RABGAP1: variants seen among roughly 807,000 people sequenced by gnomAD.
The protein encoded by RABGAP1 is RAB GTPase activating protein 1, also known as rab GTPase-activating protein 1.
A neutral mutation model predicts 137.6 loss-of-function variants in RABGAP1; 23 were observed. That is an observed-to-expected ratio of 0.17 (90% CI 0.12 to 0.24). The LOEUF (loss-of-function observed/expected upper bound fraction) is 0.24, where lower values mean the gene tolerates loss of function less well. RABGAP1 is among the 10% of genes least tolerant of loss of function. The probability of loss-of-function intolerance (pLI) is 1.00; values close to 1 mark genes in which losing one functional copy is unlikely to be tolerated. For synonymous variants in RABGAP1, 451 were observed against 450.7 expected, an observed-to-expected ratio of 1.00 and a Z score of -0.01; for missense variants, 906 against 1,275.8, an observed-to-expected ratio of 0.71 and a Z score of 4.42.
At chr9:123,059,710 C>T (rs2033892656) in intron 13 of RABGAP1, among the ~76,000 whole-genome samples, 1 of 152,042 alleles carries the variant, frequency 6.6e-6, no homozygotes. Flanking sequence ...AGAGAGCTGC[C>T]CTGCCCCATA....
intron 13 of RABGAP1, among the ~76,000 whole-genome samples, chr9:123,049,155 T>C (rs899686264): frequency 1.1e-4 from 16 of 151,502 alleles, no homozygotes; most frequent in African/African-American, 3.2e-4. Flanking sequence ...ATAATACTTA[T>C]ATAATCATTC....
At chr9:123,017,292 A>G (rs2031303058) in intron 12 of RABGAP1, among the ~76,000 whole-genome samples, 1 of 152,208 alleles carries the variant, frequency 6.6e-6, no homozygotes, top group African/African-American at 2.4e-5. Flanking sequence ...ACCCATCAGC[A>G]TCTTATACAA....
intron 13 of RABGAP1, among the ~76,000 whole-genome samples, chr9:123,060,396 T>C (rs2033921898): frequency 6.6e-6 from 1 of 152,188 alleles, no homozygotes; most frequent in Admixed American, 6.5e-5. Context: ...GTATTAGAGG[T>C]TCATTTGTAT....
intron 1 of RABGAP1, among the ~76,000 whole-genome samples, chr9:122,949,240 C>T (rs1025368064): frequency 2.0e-5 from 3 of 152,084 alleles, no homozygotes; most frequent in Non-Finnish European, 2.9e-5. Context: ...CGGCTGGCTG[C>T]GGTGGCTCAC....
intron 7 of RABGAP1, 44 bp from the exon 8 acceptor site, chr9:122,996,495 G>A: frequency 2.0e-6 from 3 of 1,530,464 alleles, no homozygotes; most frequent in East Asian, 2.3e-5. Context: ...ACGTTCTTTT[G>A]TGTTATCTTT....
chr9:122,977,162 G>T (rs990347498), intron 2 of RABGAP1, among the ~76,000 whole-genome samples: 38 of 152,174 alleles, frequency 2.5e-4, no homozygotes, highest in Admixed American at 1.0e-3. Context: ...GCAATTATAA[G>T]TTGAATGGTG....
rs59639446 is a variant in RABGAP1 at position 123,047,919 on chromosome 9, G to GTTTT, written c.1795-17396_1795-17393dup. ...TATCTAGCCATTTTACAGCTGCTGG[G>GTTTT]TTTTTTTTTTTTTTTTTTTTTTTTT... On this transcript the variant is annotated intron_variant, in intron 13 of 25. Coordinates refer to ENST00000373647, the MANE Select transcript of RABGAP1 (RefSeq NM_012197.4). 7.7e-4 allele frequency among the ~76,000 whole-genome samples: 48 copies of GTTTT among 62,282 alleles called. 19 individuals carry two copies. Among genetic ancestry groups the GTTTT allele is most frequent in the Non-Finnish European group, 1.5e-3 (42 of 28,026 alleles). 40.9% of individuals were successfully genotyped at this position (62,282 alleles called of 152,430 possible). A position where few individuals can be genotyped will look rare whatever the true frequency, so the allele number is the denominator to read the frequency against.
chr9:122,966,809 TCACAATCATGGCAGAAG>T (rs2131666033), intron 2 of RABGAP1, among the ~76,000 whole-genome samples: 1 of 152,238 alleles, frequency 6.6e-6, no homozygotes, highest in Non-Finnish European at 1.5e-5. Flanking sequence ...TGGGGAGGCC[TCACAATCATGGCAGAAG>T]GCAAGGAGGA....
intron 1 of RABGAP1, among the ~76,000 whole-genome samples, chr9:122,955,691 T>C (rs986231739): frequency 4.6e-5 from 7 of 152,224 alleles, no homozygotes; most frequent in Non-Finnish European, 8.8e-5. Context: ...TAAGTTTTCT[T>C]CCAACTATAA....
intron 13 of RABGAP1, among the ~76,000 whole-genome samples, chr9:123,054,274 A>C (rs1370946920): frequency 6.6e-6 from 1 of 152,226 alleles, no homozygotes; most frequent in African/African-American, 2.4e-5. Flanking sequence ...TTGAGCATAT[A>C]TCCACAATGT....
chr9:123,051,482 G>C (rs2033468896), intron 13 of RABGAP1, among the ~76,000 whole-genome samples: 1 of 151,000 alleles, frequency 6.6e-6, no homozygotes, highest in Admixed American at 6.6e-5. Flanking sequence ...CCCGACCTTA[G>C]GTGATCTGCC....
Position 122,957,026 on chromosome 9 carries a change from T to G in RABGAP1, c.-34T>G, listed in dbSNP as rs553050732. 4.9e-5 allele frequency: 70 copies of G among 1,417,666 alleles called. 2 individuals are homozygous for G. The South Asian group carries it at 1.1e-3, about 22-fold the overall frequency. The allele number at this position is 1,417,666 out of a possible 1,614,324, so 87.8% of individuals were successfully genotyped here. A position where few individuals can be genotyped will look rare whatever the true frequency, so the allele number is the denominator to read the frequency against. ...TGTTTTTCAGGCATTAAAAAATATT[T>G]AATCATTCATGTGTTGAGACTCATT... On this transcript the variant is annotated 5_prime_UTR_variant, in exon 2 of 26. Coordinates refer to ENST00000373647, the MANE Select transcript of RABGAP1 (RefSeq NM_012197.4).
chr9:123,051,194 T>C (rs1481578169), intron 13 of RABGAP1, among the ~76,000 whole-genome samples: 1 of 138,814 alleles, frequency 7.2e-6, no homozygotes, highest in Non-Finnish European at 1.6e-5. Flanking sequence ...AGGAGCCACA[T>C]GTTGTGATTT....
chr9:123,100,991 T>C (rs2035328672), intron 24 of RABGAP1, among the ~76,000 whole-genome samples: 2 of 152,252 alleles, frequency 1.3e-5, no homozygotes, highest in African/African-American at 4.8e-5. Context: ...TGTGGTTTAA[T>C]TGGCAGAATG....
At chr9:123,012,639 G>T (rs1240599461) in intron 11 of RABGAP1, among the ~76,000 whole-genome samples, 1 of 152,178 alleles carries the variant, frequency 6.6e-6, no homozygotes, top group Non-Finnish European at 1.5e-5. Flanking sequence ...TACCCCTTGG[G>T]GGAAATCATG....
intron 4 of RABGAP1, 100 bp from the exon 5 acceptor site, chr9:122,989,197 G>T: frequency 1.8e-6 from 2 of 1,111,484 alleles, no homozygotes; most frequent in East Asian, 4.8e-5. Context: ...CCAAATATAT[G>T]ATCTTCTTAC....
In RABGAP1 at chr9:123,097,753, G is replaced by A; in HGVS notation, c.2641G>A (p.Ala881Thr). The A allele has an allele frequency of 6.2e-7, 1 of 1,609,480 alleles. No individual in the cohort carries two copies. Among genetic ancestry groups the A allele is most frequent in the South Asian group, 1.1e-5 (1 of 89,952 alleles). Residue 881 changes from alanine (A) to threonine (T), a missense_variant, in exon 22 of 26, where the codon GCA becomes ACA. By Grantham distance (58) the Ala-to-Thr change is moderately conservative. Coordinates refer to ENST00000373647, the MANE Select transcript of RABGAP1 (RefSeq NM_012197.4). Reference sequence around the variant, plus strand: ...TTAAATGTTTCAGGCTGAGGAAAAGGCAGATGCTCTGAATAAGGAGCTGCT... The same window carrying A: ...TTAAATGTTTCAGGCTGAGGAAAAGACAGATGCTCTGAATAAGGAGCTGCT... ...RKDLDNAEEK[A>T]DALNKELLMT...
At chr9:123,084,344 C>T (rs2034803786) in intron 19 of RABGAP1, among the ~76,000 whole-genome samples, 1 of 152,120 alleles carries the variant, frequency 6.6e-6, no homozygotes. Context: ...TCTGATAGTC[C>T]TACCACATGA....
chr9:122,974,008 AC>A lies in RABGAP1; in HGVS notation c.151-10475del, dbSNP rs1406360030. Among the ~76,000 whole-genome samples, 448 of 133,630 alleles carry A rather than the reference AC, an allele frequency of 3.4e-3. 2 individuals are homozygous for A. Among genetic ancestry groups the A allele is most frequent in the Middle Eastern group, 0.012 (3 of 252 alleles). 87.7% of individuals were successfully genotyped at this position (133,630 alleles called of 152,430 possible). ...GGCGACGAGCGAAACTTCGTCTCAA[AC>A]CAAAAAAAAAAAAGAAAAAAAGAAC... is the stretch of plus-strand genomic sequence containing the variant. On this transcript the variant is annotated intron_variant, in intron 2 of 25. Transcript: ENST00000373647.
Sources: gnomAD v4.1 joint callset for allele counts (sites outside exome capture counted in the v4.1 genomes callset) on GRCh38, gnomAD v4.1.1 for gene constraint, MANE v1.5 for transcripts, NCBI Gene and HGNC (gene_info 2026-07-23, HGNC 2026-07-21) for gene names.